FRMD4A: variants seen among roughly 807,000 people sequenced by gnomAD.
The protein encoded by FRMD4A is FERM domain containing 4A.
In FRMD4A, 29 loss-of-function variants were observed where a neutral mutation model predicts 129.1. That is an observed-to-expected ratio of 0.22 (90% CI 0.17 to 0.31). FRMD4A has a LOEUF of 0.31. Ranked by LOEUF, FRMD4A falls within the 10% of genes least tolerant of loss-of-function variation. The pLI is 1.00. For missense variants in FRMD4A, 1,272 were observed against 1,375.8 expected, an observed-to-expected ratio of 0.92 and a Z score of 1.19; for synonymous variants, 634 against 571.6, an observed-to-expected ratio of 1.11 and a Z score of -1.56.
At chr10:14,041,350 G>A (rs1833771313) in intron 2 of FRMD4A, among the ~76,000 whole-genome samples, 1 of 152,098 alleles carries the variant, frequency 6.6e-6, no homozygotes, top group Admixed American at 6.5e-5. Flanking sequence ...TTGCTTTGTT[G>A]TAGTTTCCAA....
intron 2 of FRMD4A, among the ~76,000 whole-genome samples, chr10:13,885,706 C>T (rs913318205): frequency 6.6e-6 from 1 of 152,128 alleles, no homozygotes; most frequent in Non-Finnish European, 1.5e-5. Context: ...TAACAGTAGC[C>T]CTTGTTACAA....
In FRMD4A at chr10:13,660,480, C is replaced by T. The variant is rs774358738; in HGVS notation, c.1734G>A (p.Ser578=). The T allele has an allele frequency of 8.7e-6, 14 of 1,613,948 alleles. No homozygotes were observed. In the East Asian group the frequency reaches 8.9e-5, roughly 10 times the overall value. The change falls in exon 20 of 25, where the codon TCG becomes TCA. Residue 578 remains serine (S), a synonymous_variant. Coordinates refer to ENST00000357447, the MANE Select transcript of FRMD4A (RefSeq NM_018027.5). ...ACTGGGGAGGAGGAGGCCTGTTGTG[C>T]GACGGTGGCCGAGGAGGGAGTCCCT... is the stretch of plus-strand genomic sequence containing the variant. The part of the protein sequence containing the change: ...PHKGLPPRPP[S]HNRPPPPQSL...
At chr10:14,317,933 A>G (rs1846807880) in intron 2 of FRMD4A, among the ~76,000 whole-genome samples, 1 of 152,172 alleles carries the variant, frequency 6.6e-6, no homozygotes, top group East Asian at 1.9e-4. Context: ...CAAAGTATAT[A>G]AAAGGATGTA....
intron 23 of FRMD4A, chr10:13,652,228 A>C (rs904450515): frequency 1.0e-4 from 54 of 532,388 alleles, no homozygotes; most frequent in South Asian, 3.1e-4. Context: ...CATAGCAAAC[A>C]GTTTATGCCA....
At chr10:14,090,700 C>T (rs1018072500) in intron 2 of FRMD4A, among the ~76,000 whole-genome samples, 13 of 152,136 alleles carry the variant, frequency 8.5e-5, no homozygotes, top group Non-Finnish European at 1.8e-4. Context: ...TTATGAACTG[C>T]GTCAAGTATA....
At chr10:13,703,813 T>C (rs2087115050) in intron 13 of FRMD4A, among the ~76,000 whole-genome samples, 1 of 152,208 alleles carries the variant, frequency 6.6e-6, no homozygotes, top group South Asian at 2.1e-4. Flanking sequence ...GAGACCATCC[T>C]GGCCAACGTG....
At chr10:13,830,968 T>G (rs2093781360) in intron 3 of FRMD4A, among the ~76,000 whole-genome samples, 1 of 152,182 alleles carries the variant, frequency 6.6e-6, no homozygotes, top group Non-Finnish European at 1.5e-5. Context: ...TTTTGTATTT[T>G]TGGTAGAGAC....
chr10:13,667,753 T>C (rs1192509409), intron 17 of FRMD4A: 1 of 152,214 alleles, frequency 6.6e-6, no homozygotes, highest in Non-Finnish European at 1.5e-5. Flanking sequence ...ACCTTGTCGG[T>C]TGAGATTTTG....
At chr10:14,297,719 T>A (rs1293850622) in intron 2 of FRMD4A, among the ~76,000 whole-genome samples, 1 of 152,160 alleles carries the variant, frequency 6.6e-6, no homozygotes, top group Non-Finnish European at 1.5e-5. Context: ...AGAGGACCTG[T>A]AACCTGGCCA....
intron 2 of FRMD4A, among the ~76,000 whole-genome samples, chr10:14,241,358 G>A (rs866202207): frequency 1.3e-5 from 2 of 152,054 alleles, no homozygotes; most frequent in Admixed American, 6.6e-5. Flanking sequence ...GGAACCATCT[G>A]AACTTGTTTT....
intron 2 of FRMD4A, among the ~76,000 whole-genome samples, chr10:14,211,237 C>G (rs1410567218): frequency 3.3e-5 from 5 of 152,148 alleles, no homozygotes; most frequent in Non-Finnish European, 7.3e-5. Flanking sequence ...CTAAGCATGT[C>G]AATCACTTAA....
intron 2 of FRMD4A, among the ~76,000 whole-genome samples, chr10:13,861,278 T>G (rs999188642): frequency 6.6e-6 from 1 of 152,174 alleles, no homozygotes; most frequent in African/African-American, 2.4e-5. Context: ...CAAGAAAAGA[T>G]AGTCTCTTCT....
chr10:13,998,871 G>A (rs1376899981), intron 2 of FRMD4A, among the ~76,000 whole-genome samples: 16 of 152,104 alleles, frequency 1.1e-4, no homozygotes, highest in South Asian at 6.2e-4. Flanking sequence ...AGTAGCTAAC[G>A]TCATCTTTCA....
intron 2 of FRMD4A, among the ~76,000 whole-genome samples, chr10:14,171,588 C>G (rs930125716): frequency 3.3e-5 from 5 of 152,268 alleles, no homozygotes; most frequent in Admixed American, 1.3e-4. Context: ...TGTTTCTCAC[C>G]CTGTTTTGCC....
chr10:13,696,063 T>C (rs1373446270), intron 14 of FRMD4A, among the ~76,000 whole-genome samples: 1 of 152,212 alleles, frequency 6.6e-6, no homozygotes, highest in Non-Finnish European at 1.5e-5. Context: ...CCGTGGGCCT[T>C]TCCTCGACTT....
chr10:14,027,292 T>C (rs1833028397), intron 2 of FRMD4A, among the ~76,000 whole-genome samples: 1 of 152,234 alleles, frequency 6.6e-6, no homozygotes. Flanking sequence ...TCTCCCAGTC[T>C]CAACCATGAC....
intron 2 of FRMD4A, among the ~76,000 whole-genome samples, chr10:14,291,200 A>C (rs1005500584): frequency 3.9e-5 from 6 of 152,164 alleles, no homozygotes; most frequent in African/African-American, 1.4e-4. Context: ...GGAAATAACA[A>C]AGAGATCACA....
intron 2 of FRMD4A, among the ~76,000 whole-genome samples, chr10:14,277,104 ATCC>A (rs1845368624): frequency 6.6e-6 from 1 of 152,042 alleles, no homozygotes; most frequent in Non-Finnish European, 1.5e-5. Flanking sequence ...GATTTGAGCA[ATCC>A]TCCTCCATCC....
intron 2 of FRMD4A, chr10:14,008,422 C>G: frequency 3.9e-6 from 4 of 1,024,724 alleles, no homozygotes; most frequent in Non-Finnish European, 4.7e-6. Context: ...TTTCTTCCAT[C>G]TGTCCCTCTG....
Sources: allele counts gnomAD v4.1 joint callset (sites outside exome capture counted in the v4.1 genomes callset), GRCh38; gene constraint gnomAD v4.1.1; transcripts MANE v1.5; gene names NCBI Gene and HGNC (gene_info 2026-07-23, HGNC 2026-07-21).